Variants in TBC1D15 observed in about 807,000 individuals in gnomAD.
The protein encoded by TBC1D15 is GAP for RAB7.
A neutral mutation model predicts 95.4 loss-of-function variants in TBC1D15; 39 were observed. The ratio of observed to expected loss-of-function variants is 0.41; its 90% CI spans 0.32 to 0.53. TBC1D15 has a LOEUF of 0.53. TBC1D15 is among the 20% of genes least tolerant of loss of function. The pLI is 0.29. For missense variants in TBC1D15, 733 were observed against 794.3 expected, an observed-to-expected ratio of 0.92 and a Z score of 0.93; for synonymous variants, 258 against 261.3, an observed-to-expected ratio of 0.99 and a Z score of 0.12.
intron 1 of TBC1D15, among the ~76,000 whole-genome samples, chr12:71,862,468 G>T (rs755807330): frequency 1.3e-5 from 2 of 152,040 alleles, no homozygotes; most frequent in Admixed American, 6.6e-5. Context: ...TGATTTTTAA[G>T]TCTGTTTTAT....
intron 1 of TBC1D15, among the ~76,000 whole-genome samples, chr12:71,843,196 G>A (rs1339374965): frequency 6.6e-6 from 1 of 152,076 alleles, no homozygotes; most frequent in African/African-American, 2.4e-5. Flanking sequence ...CAGGAGAATC[G>A]CTTGAAACCA....
At chr12:71,919,201 CTTTTTTTTTT>C (rs34109729) in intron 14 of TBC1D15, among the ~76,000 whole-genome samples, 1 of 131,470 alleles carries the variant, frequency 7.6e-6, no homozygotes, top group Non-Finnish European at 1.6e-5. Context: ...AATCAGTGTG[CTTTTTTTTTT>C]TTTTTTTTTA....
intron 1 of TBC1D15, among the ~76,000 whole-genome samples, chr12:71,858,423 G>T (rs187389323): frequency 6.6e-6 from 1 of 150,402 alleles, no homozygotes; most frequent in Non-Finnish European, 1.5e-5. Flanking sequence ...GATTGACTCC[G>T]TATCTTGGCT....
intron 10 of TBC1D15, among the ~76,000 whole-genome samples, chr12:71,901,911 T>C (rs1051889249): frequency 3.9e-5 from 6 of 151,974 alleles, no homozygotes; most frequent in African/African-American, 1.5e-4. Context: ...ACAAAATCGA[T>C]GTGCAAAAAT....
chr12:71,909,992 T>C (rs1312215493), intron 11 of TBC1D15, among the ~76,000 whole-genome samples: 1 of 152,184 alleles, frequency 6.6e-6, no homozygotes, highest in Non-Finnish European at 1.5e-5. Flanking sequence ...TTTATGGTTT[T>C]AGGTCTAATG....
At chr12:71,903,207 C>A (rs1365661650) in intron 10 of TBC1D15, among the ~76,000 whole-genome samples, 1 of 152,180 alleles carries the variant, frequency 6.6e-6, no homozygotes. Context: ...AGTTACCATG[C>A]CTGGCTGCAG....
intron 11 of TBC1D15, among the ~76,000 whole-genome samples, chr12:71,909,481 A>G (rs1337581122): frequency 6.6e-6 from 1 of 152,192 alleles, no homozygotes; most frequent in Non-Finnish European, 1.5e-5. Flanking sequence ...CGGATACTAC[A>G]GAAAGTTTCT....
At chr12:71,873,085 A>G in intron 3 of TBC1D15, 82 bp downstream of exon 3, 2 of 940,710 alleles carry the variant, frequency 2.1e-6, no homozygotes, top group Non-Finnish European at 3.2e-6. Context: ...ACATACCATA[A>G]AATGCATCCT....
intron 1 of TBC1D15, among the ~76,000 whole-genome samples, chr12:71,852,873 A>C (rs1888170152): frequency 6.6e-6 from 1 of 152,176 alleles, no homozygotes; most frequent in Non-Finnish European, 1.5e-5. Context: ...AGGAAATTCC[A>C]AACTTTCCCT....
chr12:71,857,549 CT>C (rs1198914783), intron 1 of TBC1D15, among the ~76,000 whole-genome samples: 1 of 152,000 alleles, frequency 6.6e-6, no homozygotes, highest in Non-Finnish European at 1.5e-5. Flanking sequence ...TTTAGTTGGA[CT>C]TTAAAAAATC....
chr12:71,872,157 GT>G lies in TBC1D15; in HGVS notation c.122del (p.Leu41Ter), dbSNP rs1592732785. On this transcript the variant is annotated frameshift_variant, in exon 2 of 17. Transcript: ENST00000485960. LOFTEE classifies it high-confidence loss of function. ...QDGLISGILR[V>X]LEKDAEVIVD... ...CGGCTTGATTTCAGGAATATTACGT[GT>G]TTTAGAAAAGGTAAGTTTCTAGTAA... 2 of 1,559,552 alleles carry G rather than the reference GT, an allele frequency of 1.3e-6. No individual in the cohort carries two copies. Among genetic ancestry groups the G allele is most frequent in the Non-Finnish European group, 1.7e-6 (2 of 1,154,926 alleles).
chr12:71,902,849 G>A (rs1028406028), intron 10 of TBC1D15, among the ~76,000 whole-genome samples: 1 of 152,110 alleles, frequency 6.6e-6, no homozygotes, highest in Non-Finnish European at 1.5e-5. Flanking sequence ...CTAATACCCA[G>A]AATCTGTAAG....
chr12:71,910,566 G>A (rs1165345544), intron 11 of TBC1D15, among the ~76,000 whole-genome samples: 4 of 151,700 alleles, frequency 2.6e-5, no homozygotes, highest in Admixed American at 6.6e-5. Context: ...TCTCCTTGAA[G>A]AGGTCCTTCA....
intron 1 of TBC1D15, chr12:71,854,769 C>T (rs1210917289): frequency 4.4e-6 from 2 of 456,552 alleles, no homozygotes; most frequent in Admixed American, 4.7e-5. Context: ...CCTCTCCCCC[C>T]CACCTTCTTT....
chr12:71,893,208 C>G lies in TBC1D15; in HGVS notation c.555-14C>G. 6.5e-7 allele frequency: 1 copy of G among 1,534,248 alleles called. No homozygotes were observed. The highest frequency in any genetic ancestry group is 8.9e-7 in the Non-Finnish European group (1 of 1,129,724). The stretch of plus-strand genomic sequence containing the variant: ...TGTGTTAGTATTTTCTACAAATCCT[C>G]TTTTTTATTATAGATCTCCACAGGA... On this transcript the variant is annotated splice_polypyrimidine_tract_variant and intron_variant, in intron 5 of 16. Coordinates refer to ENST00000485960, the MANE Select transcript of TBC1D15 (RefSeq NM_001146213.3).
At chr12:71,895,040 A>G (rs1051998787) in intron 7 of TBC1D15, among the ~76,000 whole-genome samples, 157 bp downstream of exon 7, 1 of 152,064 alleles carries the variant, frequency 6.6e-6, no homozygotes, top group Non-Finnish European at 1.5e-5. Context: ...TTGTCCTGCC[A>G]CTAAGTTCTT....
At chr12:71,922,454 A>G (rs1364327115) in intron 16 of TBC1D15, among the ~76,000 whole-genome samples, 4 of 151,842 alleles carry the variant, frequency 2.6e-5, no homozygotes, top group Admixed American at 6.6e-5. Flanking sequence ...GGTTTGTTAC[A>G]TAGGTATACA....
At chr12:71,882,734 A>G (rs1424237078) in intron 4 of TBC1D15, among the ~76,000 whole-genome samples, 2 of 152,160 alleles carry the variant, frequency 1.3e-5, no homozygotes, top group Non-Finnish European at 2.9e-5. Flanking sequence ...ATCTTTGACT[A>G]CTTACTGTAT....
rs776558508 is a variant in TBC1D15 at position 71,921,428 on chromosome 12, A to G, written c.1777A>G (p.Ile593Val). The part of the protein sequence containing the change: ...VEDILCKAEA[I>V]SLQMVKCKEL... ...AGATATACTCTGCAAGGCAGAAGCA[A>G]TTTCTCTACAGATGGTAAAATGCAA... Residue 593 changes from isoleucine (I) to valine (V), a missense_variant, in exon 16 of 17, where the codon ATT becomes GTT. By Grantham distance (29) the Ile-to-Val change is conservative (BLOSUM62 3). Coordinates refer to ENST00000485960, the MANE Select transcript of TBC1D15 (RefSeq NM_001146213.3). The G allele has an allele frequency of 3.2e-6, 5 of 1,567,728 alleles. No homozygotes were observed. Among genetic ancestry groups the G allele is most frequent in the East Asian group, 4.6e-5 (2 of 43,894 alleles).
Sources: allele counts gnomAD v4.1 joint callset (sites outside exome capture counted in the v4.1 genomes callset), GRCh38; gene constraint gnomAD v4.1.1; transcripts MANE v1.5; gene names NCBI Gene and HGNC (gene_info 2026-07-23, HGNC 2026-07-21).